RBFOX2: variants seen among roughly 807,000 people sequenced by gnomAD.
The protein encoded by RBFOX2 is RNA binding protein fox-1 homolog 2.
Under a neutral mutation model 49.1 loss-of-function variants are expected in RBFOX2, and 10 were observed. The ratio of observed to expected loss-of-function variants is 0.20; its 90% confidence interval spans 0.13 to 0.35. The LOEUF (loss-of-function observed/expected upper bound fraction) is 0.35, where lower values mean the gene tolerates loss of function less well. Ranked by LOEUF, RBFOX2 falls within the 10% of genes least tolerant of loss-of-function variation. The pLI is 1.00. For synonymous variants in RBFOX2, 183 were observed against 187.4 expected (o/e 0.98, Z 0.19); for missense variants, 323 against 486.9 (o/e 0.66, Z 3.17).
At chr22:35,849,866 G>A (rs2041706994) in intron 1 of RBFOX2, among the ~76,000 whole-genome samples, 1 of 152,128 alleles carries the variant, frequency 6.6e-6, no homozygotes, top group Admixed American at 6.5e-5. Context: ...AAAGCTTTGA[G>A]TTACTAGTTA....
intron 1 of RBFOX2, among the ~76,000 whole-genome samples, chr22:35,853,727 C>T (rs1370937462): frequency 6.8e-6 from 1 of 147,566 alleles, no homozygotes; most frequent in Non-Finnish European, 1.5e-5. Flanking sequence ...AAAACTAGTA[C>T]CTCCAGGCGG....
chr22:35,903,242 C>T (rs2048782190), intron 1 of RBFOX2, among the ~76,000 whole-genome samples: 1 of 152,180 alleles, frequency 6.6e-6, no homozygotes, highest in Non-Finnish European at 1.5e-5. Context: ...TCCATTAAAT[C>T]AACTTATCAA....
At chr22:35,980,049 G>A (rs760981494) in intron 1 of RBFOX2, among the ~76,000 whole-genome samples, 15 of 152,138 alleles carry the variant, frequency 9.9e-5, no homozygotes, top group Non-Finnish European at 1.8e-4. Flanking sequence ...GGTTACTGGC[G>A]CTATGGTTTG....
intron 1 of RBFOX2, among the ~76,000 whole-genome samples, chr22:35,905,308 G>A (rs377309091): frequency 2.6e-5 from 4 of 152,072 alleles, no homozygotes; most frequent in African/African-American, 9.7e-5. Context: ...AGGTAAAATA[G>A]ATAGATGATA....
intron 1 of RBFOX2, among the ~76,000 whole-genome samples, chr22:35,859,799 G>C (rs914543484): frequency 2.0e-5 from 3 of 152,290 alleles, no homozygotes; most frequent in Middle Eastern, 3.4e-3. Flanking sequence ...CTGACCTCAA[G>C]TGATCTACCC....
At chr22:35,930,939 T>C (rs2052324781) in intron 1 of RBFOX2, among the ~76,000 whole-genome samples, 1 of 152,228 alleles carries the variant, frequency 6.6e-6, no homozygotes, top group South Asian at 2.1e-4. Context: ...AGAATAAGCA[T>C]ATTACTTAGC....
chr22:36,025,607 C>T (rs995948507), intron 1 of RBFOX2, among the ~76,000 whole-genome samples: 3 of 152,116 alleles, frequency 2.0e-5, no homozygotes, highest in African/African-American at 7.2e-5. Flanking sequence ...TAAGTATATT[C>T]ATGTAATACT....
intron 2 of RBFOX2, among the ~76,000 whole-genome samples, chr22:35,792,740 C>T (rs947240748): frequency 1.3e-5 from 2 of 152,170 alleles, no homozygotes; most frequent in Non-Finnish European, 2.9e-5. Context: ...GATTTACAGG[C>T]TCACACTCCC....
chr22:35,823,062 C>T (rs1411498723), intron 1 of RBFOX2, among the ~76,000 whole-genome samples: 1 of 152,118 alleles, frequency 6.6e-6, no homozygotes, highest in Non-Finnish European at 1.5e-5. Context: ...CTCAGGTGAT[C>T]CGCCCGCCTC....
chr22:35,817,329 C>T (rs1953319272), intron 1 of RBFOX2, among the ~76,000 whole-genome samples: 1 of 151,948 alleles, frequency 6.6e-6, no homozygotes, highest in Admixed American at 6.6e-5. Flanking sequence ...AATACAAAAA[C>T]AGCCAGGTGT....
At chr22:36,025,284 C>A (rs1377796991) in intron 1 of RBFOX2, among the ~76,000 whole-genome samples, 2 of 152,198 alleles carry the variant, frequency 1.3e-5, no homozygotes, top group Non-Finnish European at 2.9e-5. Context: ...CCTCCTCTAC[C>A]TGAACCCTCT....
intron 1 of RBFOX2, among the ~76,000 whole-genome samples, chr22:35,954,814 T>C (rs2055363906): frequency 6.6e-6 from 1 of 151,852 alleles, no homozygotes; most frequent in Admixed American, 6.6e-5. Context: ...TGTAAACAAA[T>C]ACAATATGAA....
intron 1 of RBFOX2, among the ~76,000 whole-genome samples, chr22:35,970,900 G>A (rs755365511): frequency 2.0e-5 from 3 of 152,152 alleles, no homozygotes; most frequent in Non-Finnish European, 2.9e-5. Context: ...CAGAGTTTCT[G>A]TAATCATCAG....
chr22:35,881,137 C>T (rs1392475039), intron 1 of RBFOX2, among the ~76,000 whole-genome samples: 13 of 152,056 alleles, frequency 8.5e-5, no homozygotes, highest in East Asian at 1.9e-4. Flanking sequence ...TGGTGGCGGG[C>T]GCCTGTAGTC....
intron 1 of RBFOX2, among the ~76,000 whole-genome samples, chr22:35,924,191 C>T (rs2051352928): frequency 6.6e-6 from 1 of 151,420 alleles, no homozygotes; most frequent in Non-Finnish European, 1.5e-5. Flanking sequence ...AGGACACCCC[C>T]TGTCCCATGC....
chr22:35,851,215 C>G lies in RBFOX2; in HGVS notation c.-33-41211G>C, dbSNP rs138878232. 3.2e-3 allele frequency among the ~76,000 whole-genome samples: 491 copies of G among 152,236 alleles called. 1 individual carries two copies. Among genetic ancestry groups the G allele is most frequent in the Non-Finnish European group, 5.8e-3 (391 of 67,996 alleles). ...ATGGTATTCTTGGTTAAACATTTACCTGAACTCAGTTCTAACAGATTAGGA... is the reference window on the plus strand; with the variant it reads ...ATGGTATTCTTGGTTAAACATTTACGTGAACTCAGTTCTAACAGATTAGGA... On this transcript the variant is annotated intron_variant, in intron 1 of 13. Coordinates refer to the RBFOX2 transcript ENST00000359369.
intron 1 of RBFOX2, among the ~76,000 whole-genome samples, chr22:35,955,677 C>A (rs1216995474): frequency 6.6e-6 from 1 of 152,156 alleles, no homozygotes; most frequent in Non-Finnish European, 1.5e-5. Context: ...TTATGAGAAT[C>A]TAATGCCGCC....
chr22:35,779,349 T>C (rs1237212925), intron 3 of RBFOX2, among the ~76,000 whole-genome samples: 1 of 152,128 alleles, frequency 6.6e-6, no homozygotes, highest in African/African-American at 2.4e-5. Flanking sequence ...AACCAGACTT[T>C]GGGAAATGTG....
chr22:35,758,575 G>C (rs1937594590), intron 9 of RBFOX2, among the ~76,000 whole-genome samples: 1 of 152,178 alleles, frequency 6.6e-6, no homozygotes, highest in African/African-American at 2.4e-5. Context: ...AGAGATGTCA[G>C]AGGTTGAAGG....
Sources: allele counts gnomAD v4.1 joint callset (sites outside exome capture counted in the v4.1 genomes callset), GRCh38; gene constraint gnomAD v4.1.1; transcripts MANE v1.5; gene names NCBI Gene and HGNC (gene_info 2026-07-23, HGNC 2026-07-21).